Variants in HHAT observed in about 807,000 individuals in gnomAD.
HHAT encodes the protein protein-cysteine N-palmitoyltransferase HHAT.
A neutral mutation model predicts 70.8 loss-of-function variants in HHAT; 47 were observed. The ratio of observed to expected loss-of-function variants is 0.66; its 90% CI spans 0.53 to 0.85. The LOEUF (loss-of-function observed/expected upper bound fraction) is 0.85. HHAT is among the 40% of genes least tolerant of loss of function. HHAT has a pLI of 0.00. For synonymous variants in HHAT, 228 were observed against 247.6 expected, an observed-to-expected ratio of 0.92 and a Z score of 0.74; for missense variants, 609 against 604.8, an observed-to-expected ratio of 1.01 and a Z score of -0.07.
intron 6 of HHAT, among the ~76,000 whole-genome samples, chr1:210,408,914 T>G (rs2092431082): frequency 6.6e-6 from 1 of 152,148 alleles, no homozygotes. Flanking sequence ...CAGGTTGGAG[T>G]GCAATGGTGC....
intron 3 of HHAT, among the ~76,000 whole-genome samples, chr1:210,374,698 AG>A (rs2090035061): frequency 1.3e-5 from 2 of 151,948 alleles, no homozygotes; most frequent in African/African-American, 4.8e-5. Flanking sequence ...ACACATTTAC[AG>A]GAAGTTGCAG....
chr1:210,328,546 C>T (rs2084706095), upstream of HHAT, among the ~76,000 whole-genome samples: 1 of 152,218 alleles, frequency 6.6e-6, no homozygotes, highest in African/African-American at 2.4e-5. Context: ...GCTGCAAAGC[C>T]CACCCTCTTT....
chr1:210,553,370 C>A (rs941923636), intron 9 of HHAT, among the ~76,000 whole-genome samples: 1 of 152,170 alleles, frequency 6.6e-6, no homozygotes, highest in Non-Finnish European at 1.5e-5. Context: ...TACAGAGCTT[C>A]CCTAGATTCA....
chr1:210,544,088 G>A (rs371925585), intron 9 of HHAT, among the ~76,000 whole-genome samples: 1 of 152,168 alleles, frequency 6.6e-6, no homozygotes, highest in Non-Finnish European at 1.5e-5. Flanking sequence ...TAGACCCTAA[G>A]AAAAGACTCT....
At chr1:210,593,519 A>G (rs79684435) in intron 10 of HHAT, among the ~76,000 whole-genome samples, 1,759 of 152,192 alleles carry the variant, frequency 0.012, 37 homozygotes, top group African/African-American at 0.04. Context: ...CTTTTATTCC[A>G]TTGTTCAGAG....
intron 10 of HHAT, among the ~76,000 whole-genome samples, chr1:210,600,078 T>G (rs1663897024): frequency 6.6e-6 from 1 of 152,228 alleles, no homozygotes; most frequent in South Asian, 2.1e-4. Context: ...AACCCTTCAC[T>G]GGCCCTCCTA....
chr1:210,647,411 C>T (rs779864165), intron 11 of HHAT, among the ~76,000 whole-genome samples: 2 of 152,190 alleles, frequency 1.3e-5, no homozygotes, highest in Non-Finnish European at 2.9e-5. Flanking sequence ...ATTATTTGGT[C>T]CTTTTCCCCA....
intron 2 of HHAT, among the ~76,000 whole-genome samples, chr1:210,361,330 G>A (rs1416759811): frequency 2.6e-5 from 4 of 152,208 alleles, no homozygotes; most frequent in Admixed American, 6.5e-5. Flanking sequence ...AAATAGGTGC[G>A]TGCACGCACA....
intron 3 of HHAT, among the ~76,000 whole-genome samples, chr1:210,382,115 A>T (rs1043728383): frequency 6.6e-6 from 1 of 152,200 alleles, no homozygotes. Context: ...GGCGATGAGA[A>T]TTCAAGGCTA....
At chr1:210,573,662 G>A (rs960586418) in intron 9 of HHAT, among the ~76,000 whole-genome samples, 10 of 152,166 alleles carry the variant, frequency 6.6e-5, no homozygotes, top group Non-Finnish European at 1.5e-4. Flanking sequence ...CTTTCTAGGA[G>A]AGGTTGGCAT....
intron 3 of HHAT, among the ~76,000 whole-genome samples, chr1:210,382,721 A>G (rs988137874): frequency 7.2e-5 from 11 of 152,160 alleles, no homozygotes; most frequent in African/African-American, 2.4e-4. Flanking sequence ...TTTGAATTGT[A>G]CCATTTAGTG....
intron 7 of HHAT, among the ~76,000 whole-genome samples, chr1:210,426,972 C>CT: frequency 6.6e-6 from 1 of 151,926 alleles, no homozygotes; most frequent in Non-Finnish European, 1.5e-5. Flanking sequence ...TGGTCCTGGG[C>CT]TTTTTTTGGT....
At chr1:210,470,623 C>T (rs1289235322) in intron 8 of HHAT, among the ~76,000 whole-genome samples, 23 of 152,156 alleles carry the variant, frequency 1.5e-4, no homozygotes, top group Non-Finnish European at 3.4e-4. Flanking sequence ...GTGTCCTCTT[C>T]TCCATTTTCT....
At chr1:210,440,295 GC>G (rs2093475468) in intron 7 of HHAT, among the ~76,000 whole-genome samples, 1 of 151,758 alleles carries the variant, frequency 6.6e-6, no homozygotes, top group Non-Finnish European at 1.5e-5. Flanking sequence ...TGGAAGGAGG[GC>G]CTGACAGAGG....
intron 11 of HHAT, among the ~76,000 whole-genome samples, chr1:210,660,898 T>G (rs561571143): frequency 1.9e-4 from 29 of 152,272 alleles, no homozygotes; most frequent in African/African-American, 5.8e-4. Flanking sequence ...TCCTTACACC[T>G]TATACAAACA....
chr1:210,610,421 C>T (rs1666350651), intron 10 of HHAT, among the ~76,000 whole-genome samples: 1 of 152,100 alleles, frequency 6.6e-6, no homozygotes, highest in South Asian at 2.1e-4. Context: ...GATAGTAGAC[C>T]TTTGTCATAT....
chr1:210,670,144 G>A (rs1679788272), intron 11 of HHAT, among the ~76,000 whole-genome samples: 1 of 152,166 alleles, frequency 6.6e-6, no homozygotes, highest in Non-Finnish European at 1.5e-5. Context: ...AATGTTGCCA[G>A]AATGACAGCT....
chr1:210,511,193 A>G (rs908177015), intron 8 of HHAT, among the ~76,000 whole-genome samples: 2 of 152,220 alleles, frequency 1.3e-5, no homozygotes, highest in African/African-American at 4.8e-5. Context: ...ATGTAAAATC[A>G]AATGAAACAC....
At chr1:210,385,259 T>TC (rs918859705) in intron 3 of HHAT, among the ~76,000 whole-genome samples, 9 of 150,714 alleles carry the variant, frequency 6.0e-5, no homozygotes, top group African/African-American at 2.0e-4. Context: ...TTTCTTTTTT[T>TC]TTTTTTTTCT....
Sources: gnomAD v4.1 joint callset for allele counts (sites outside exome capture counted in the v4.1 genomes callset) on GRCh38, gnomAD v4.1.1 for gene constraint, MANE v1.5 for transcripts, NCBI Gene and HGNC (gene_info 2026-07-23, HGNC 2026-07-21) for gene names.